Variants in SMIM17 observed in about 807,000 individuals in gnomAD.
SMIM17 encodes the protein small integral membrane protein 17.
In SMIM17, 10 loss-of-function variants were observed where a neutral mutation model predicts 12.2. The observed-to-expected ratio is 0.82, with a 90% confidence interval of 0.50 to 1.39. The LOEUF (loss-of-function observed/expected upper bound fraction) is 1.39, where lower values mean the gene tolerates loss of function less well. SMIM17 is among the 40% of genes most tolerant of loss of function. The probability of loss-of-function intolerance (pLI) is 0.00; values close to 1 mark genes in which losing one functional copy is unlikely to be tolerated. For missense variants in SMIM17, 136 were observed against 118.2 expected, an observed-to-expected ratio of 1.15 and a Z score of -0.70; for synonymous variants, 50 against 44.1, an observed-to-expected ratio of 1.13 and a Z score of -0.53.
intron 3 of SMIM17, among the ~76,000 whole-genome samples, chr19:56,650,460 C>A (rs529956980): frequency 6.6e-6 from 1 of 152,344 alleles, no homozygotes; most frequent in South Asian, 2.1e-4. Flanking sequence ...GCATGAGCCA[C>A]GACGCCCAGC....
At position 56,656,996 on chromosome 19, in the gene SMIM17, G is replaced by A. The variant is rs1298603355; in HGVS notation, c.*1783G>A. 6.6e-6 allele frequency among the ~76,000 whole-genome samples: 1 copy of A among 152,128 alleles called. No individual in the cohort carries two copies. The highest frequency in any genetic ancestry group is 2.4e-5 in the African/African-American group (1 of 41,420). On this transcript the variant is annotated 3_prime_UTR_variant, in exon 4 of 4. Transcript: ENST00000598409. Reference sequence around the variant, plus strand: ...TCAGTATCGTCAATTATATTGTTCAGATTCATGTGTTATCTAATTTTGGCC... The same window carrying A: ...TCAGTATCGTCAATTATATTGTTCAAATTCATGTGTTATCTAATTTTGGCC...
At chr19:56,643,363 AGGGTC>A (rs1420593005) in intron 1 of SMIM17, among the ~76,000 whole-genome samples, 153 bp downstream of exon 1, 2 of 152,134 alleles carry the variant, frequency 1.3e-5, no homozygotes, top group African/African-American at 4.8e-5. Context: ...CTCCAGGGAT[AGGGTC>A]CGGGGAGAGG....
intron 3 of SMIM17, among the ~76,000 whole-genome samples, chr19:56,649,644 C>T (rs1010275878): frequency 2.6e-5 from 4 of 151,938 alleles, no homozygotes; most frequent in South Asian, 2.1e-4. Context: ...CTAGGGAGAG[C>T]GGGCTCTATG....
chr19:56,645,002 C>G (rs898568454), intron 1 of SMIM17, among the ~76,000 whole-genome samples: 10 of 152,306 alleles, frequency 6.6e-5, no homozygotes, highest in African/African-American at 1.9e-4. Context: ...TGAGCCACCT[C>G]GCCTGGCTGA....
At chr19:56,653,525 T>C (rs1486029905) in intron 3 of SMIM17, among the ~76,000 whole-genome samples, 1 of 152,232 alleles carries the variant, frequency 6.6e-6, no homozygotes, top group East Asian at 1.9e-4. Flanking sequence ...CAGAAGACAA[T>C]GCTACAATGA....
At chr19:56,644,858 G>C (rs76304285) in intron 1 of SMIM17, among the ~76,000 whole-genome samples, 4,043 of 152,204 alleles carry the variant, frequency 0.027, 173 homozygotes, top group African/African-American at 0.092. Flanking sequence ...CTGAAGCCTT[G>C]AACTCCCAGG....
chr19:56,652,101 CAAAAAAAA>C (rs57264842), intron 3 of SMIM17, among the ~76,000 whole-genome samples: 55 of 66,866 alleles, frequency 8.2e-4, no homozygotes, highest in African/African-American at 3.3e-3. Context: ...GAGACTCTGC[CAAAAAAAA>C]AAAAAAAAAA....
At chr19:56,647,699 C>T in intron 3 of SMIM17, 65 bp downstream of exon 3, 2 of 1,355,358 alleles carry the variant, frequency 1.5e-6, no homozygotes, top group Non-Finnish European at 2.0e-6. Flanking sequence ...CACTTTGTCA[C>T]ATTTGCATTC....
At chr19:56,651,498 G>A (rs1471930751) in intron 3 of SMIM17, among the ~76,000 whole-genome samples, 2 of 152,114 alleles carry the variant, frequency 1.3e-5, no homozygotes, top group Non-Finnish European at 2.9e-5. Context: ...GGGGAAAATG[G>A]TCCCATCATT....
In SMIM17 at chr19:56,650,888, A is replaced by C. The variant is rs545072879; in HGVS notation, c.246+3254A>C. Among the ~76,000 whole-genome samples, 13 of 152,292 alleles carry C rather than the reference A, an allele frequency of 8.5e-5. No homozygotes were observed. The East Asian group carries it at 2.3e-3, about 27-fold the overall frequency. On this transcript the variant is annotated intron_variant, in intron 3 of 3. Transcript: ENST00000598409. ...CGATTTTAGACATGCTGCTTGGGAG[A>C]GGCCTCTGTGACATCATTCATTCAC... is the stretch of plus-strand genomic sequence containing the variant.
intron 1 of SMIM17, among the ~76,000 whole-genome samples, chr19:56,644,143 C>T (rs1444783718): frequency 6.6e-6 from 1 of 152,092 alleles, no homozygotes; most frequent in African/African-American, 2.4e-5. Flanking sequence ...CCTGCATTTT[C>T]TCCTTTCTCA....
chr19:56,644,127 C>T (rs1165908517), intron 1 of SMIM17, among the ~76,000 whole-genome samples: 1 of 152,070 alleles, frequency 6.6e-6, no homozygotes, highest in Non-Finnish European at 1.5e-5. Context: ...TCTGTCACCC[C>T]GCTTGCCTGC....
intron 3 of SMIM17, among the ~76,000 whole-genome samples, chr19:56,651,872 G>A (rs1285905790): frequency 6.6e-6 from 1 of 152,028 alleles, no homozygotes; most frequent in Non-Finnish European, 1.5e-5. Context: ...GGGAGGCAGA[G>A]TCAGGCGGAT....
intron 1 of SMIM17, among the ~76,000 whole-genome samples, chr19:56,644,973 A>T (rs1288828865): frequency 6.6e-6 from 1 of 152,188 alleles, no homozygotes; most frequent in Non-Finnish European, 1.5e-5. Context: ...GGTCTCCCAA[A>T]GTGCTAGGAT....
At chr19:56,651,141 A>T (rs555111578) in intron 3 of SMIM17, among the ~76,000 whole-genome samples, 1 of 152,148 alleles carries the variant, frequency 6.6e-6, no homozygotes, top group African/African-American at 2.4e-5. Context: ...CAGGAGCTGG[A>T]CTTTGTGCTC....
At position 56,656,645 on chromosome 19, in the gene SMIM17, T is replaced by C. The variant is rs1228879792; in HGVS notation, c.*1432T>C. On this transcript the variant is annotated 3_prime_UTR_variant, in exon 4 of 4. Transcript: ENST00000598409. Reference sequence around the variant, plus strand: ...ACTTCTGGATATAGCGTTGGCCACATCTTAACATTTGATTATTCATTTTTG... The same window carrying C: ...ACTTCTGGATATAGCGTTGGCCACACCTTAACATTTGATTATTCATTTTTG... Among the ~76,000 whole-genome samples, 1 of 152,264 alleles carries C rather than the reference T, an allele frequency of 6.6e-6. No homozygotes were observed. Among genetic ancestry groups the C allele is most frequent in the Non-Finnish European group, 1.5e-5 (1 of 68,044 alleles).
In SMIM17 at chr19:56,655,561, C is replaced by T. The variant is rs564031003; in HGVS notation, c.*348C>T. ...CAATGAAATCTGGTACATTTCCTAA[C>T]ATCAAACCAACTTTGCATTCTTAAG... On this transcript the variant is annotated 3_prime_UTR_variant, in exon 4 of 4. Transcript: ENST00000598409. 9.4e-5 allele frequency: 27 copies of T among 286,290 alleles called. No homozygotes were observed. Among genetic ancestry groups the T allele is most frequent in the African/African-American group, 4.7e-4 (22 of 46,328 alleles). 17.7% of individuals were successfully genotyped at this position (286,290 alleles called of 1,614,324 possible). A position where few individuals can be genotyped will look rare whatever the true frequency, so the allele number is the denominator to read the frequency against.
chr19:56,656,334 A>T lies in SMIM17; in HGVS notation c.*1121A>T, dbSNP rs1302228675. 6.6e-6 allele frequency among the ~76,000 whole-genome samples: 1 copy of T among 152,024 alleles called. No homozygotes were observed. The highest frequency in any genetic ancestry group is 1.5e-5 in the Non-Finnish European group (1 of 68,010). ...TATGCATAATGTTTTATAATTAAAA[A>T]TTTCTCTTTATTTTGTTCTATCCCC... On this transcript the variant is annotated 3_prime_UTR_variant, in exon 4 of 4. Transcript: ENST00000598409.
chr19:56,656,238 C>T lies in SMIM17; in HGVS notation c.*1025C>T, dbSNP rs2045151366. Among the ~76,000 whole-genome samples, 1 of 152,090 alleles carries T rather than the reference C, an allele frequency of 6.6e-6. No homozygotes were observed. Among genetic ancestry groups the T allele is most frequent in the Non-Finnish European group, 1.5e-5 (1 of 68,018 alleles). ...GGATTACAGATGTGAGCCACCGTGCCCAGCCCAGAGTTCTTTTATCCTCTA... is the reference window on the plus strand; with the variant it reads ...GGATTACAGATGTGAGCCACCGTGCTCAGCCCAGAGTTCTTTTATCCTCTA... On this transcript the variant is annotated 3_prime_UTR_variant, in exon 4 of 4. Coordinates refer to ENST00000598409, the MANE Select transcript of SMIM17 (RefSeq NM_001193628.2).
Sources: gnomAD v4.1 joint callset for allele counts (sites outside exome capture counted in the v4.1 genomes callset) on GRCh38, gnomAD v4.1.1 for gene constraint, MANE v1.5 for transcripts, NCBI Gene and HGNC (gene_info 2026-07-23, HGNC 2026-07-21) for gene names.